Variants in PPIP5K1 observed in about 807,000 individuals in gnomAD.
PPIP5K1 encodes diphosphoinositol pentakisphosphate kinase 1.
In PPIP5K1, 6 loss-of-function variants were observed where a neutral mutation model predicts 27.7. The observed-to-expected ratio is 0.22, with a 90% CI of 0.12 to 0.43. The LOEUF (loss-of-function observed/expected upper bound fraction) is 0.43. PPIP5K1 is among the 20% of genes least tolerant of loss of function. The probability of loss-of-function intolerance (pLI) is 1.00; values close to 1 mark genes in which losing one functional copy is unlikely to be tolerated. For synonymous variants in PPIP5K1, 145 were observed against 242.6 expected (o/e 0.60, Z 3.74); for missense variants, 394 against 635.4 (o/e 0.62, Z 4.08).
chr15:43,551,961 A>T (rs886557388), intron 30 of PPIP5K1, among the ~76,000 whole-genome samples: 2 of 147,154 alleles, frequency 1.4e-5, no homozygotes, highest in Non-Finnish European at 3.0e-5. Context: ...AGTATAAATT[A>T]GATTATTGAT....
rs1168161790 is a variant in PPIP5K1 at position 43,579,598 on chromosome 15, CGTGT to C, written c.1062-482_1062-479del. Among the ~76,000 whole-genome samples, 233 of 29,816 alleles carry C rather than the reference CGTGT, an allele frequency of 7.8e-3. 5 individuals are homozygous for C. Among genetic ancestry groups the C allele is most frequent in the South Asian group, 0.02 (14 of 710 alleles). The allele number at this position is 29,816 out of a possible 152,430, so 19.6% of individuals were successfully genotyped here. ...ATACACATATATACATATATGTGTA[CGTGT>C]GTGTGTGTGTGTGTGTGTGTGTGTG... On this transcript the variant is annotated intron_variant, in intron 10 of 31. Coordinates refer to ENST00000420765, the MANE Select transcript of PPIP5K1 (RefSeq NM_001394395.1).
chr15:43,586,739 A>G (rs1344629328), intron 1 of PPIP5K1, among the ~76,000 whole-genome samples: 3 of 100,542 alleles, frequency 3.0e-5, no homozygotes, highest in African/African-American at 1.0e-4. Context: ...TAATAATAAT[A>G]ATAATAATAA....
chr15:43,544,900 C>T (rs960675177), intron 30 of PPIP5K1, among the ~76,000 whole-genome samples: 7 of 151,928 alleles, frequency 4.6e-5, no homozygotes, highest in South Asian at 2.1e-4. Flanking sequence ...TTATTGGGGC[C>T]GGGCGTGGTG....
At chr15:43,546,231 T>A (rs1431543670) in intron 30 of PPIP5K1, among the ~76,000 whole-genome samples, 1 of 152,250 alleles carries the variant, frequency 6.6e-6, no homozygotes, top group Non-Finnish European at 1.5e-5. Flanking sequence ...TTCCTTTTTA[T>A]AGCTCAGTAA....
intron 31 of PPIP5K1, chr15:43,536,151 G>C (rs1257300966): frequency 1.1e-5 from 14 of 1,263,080 alleles, no homozygotes; most frequent in Non-Finnish European, 1.4e-5. Context: ...GGGTGCGGTG[G>C]CTCACGCCTG....
At chr15:43,559,615 T>C (rs1298934489) in intron 29 of PPIP5K1, among the ~76,000 whole-genome samples, 1 of 152,150 alleles carries the variant, frequency 6.6e-6, no homozygotes, top group Non-Finnish European at 1.5e-5. Context: ...AGGGTCTTTC[T>C]ACTTCATCAG....
In PPIP5K1 at chr15:43,550,096, G is replaced by T. The variant is rs1427270967; in HGVS notation, c.3556+8699C>A. Reference sequence around the variant, plus strand: ...GCCAGGATTACAGGTACAAGCCACTGAGCCCGGCCCACAAGATTTTTGTGA... The same window carrying T: ...GCCAGGATTACAGGTACAAGCCACTTAGCCCGGCCCACAAGATTTTTGTGA... On this transcript the variant is annotated intron_variant, in intron 30 of 31. Transcript: ENST00000420765. 2.0e-5 allele frequency among the ~76,000 whole-genome samples: 3 copies of T among 152,208 alleles called. No homozygotes were observed. In the South Asian group the frequency reaches 6.2e-4, roughly 32 times the overall value.
intron 30 of PPIP5K1, among the ~76,000 whole-genome samples, 195 bp downstream of exon 30, chr15:43,558,595 GATCCA>G (rs1009675285): frequency 1.5e-4 from 23 of 152,034 alleles, no homozygotes; most frequent in African/African-American, 5.1e-4. Context: ...GACCTCAGGT[GATCCA>G]CCTGCCTCGG....
In PPIP5K1 at chr15:43,547,960, T is replaced by C. The variant is rs1196668286; in HGVS notation, c.3557-8377A>G. 2.0e-5 allele frequency among the ~76,000 whole-genome samples: 3 copies of C among 152,220 alleles called. No homozygotes were observed. In the East Asian group the frequency reaches 5.8e-4, roughly 29 times the overall value. On this transcript the variant is annotated intron_variant, in intron 30 of 31. Transcript: ENST00000420765. Reference sequence around the variant, plus strand: ...GGGGAATACTGCCATCTTAACAATATCATGTCTTCAACATGAACATGAAAT... The same window carrying C: ...GGGGAATACTGCCATCTTAACAATACCATGTCTTCAACATGAACATGAAAT...
chr15:43,546,654 A>ATTTTTT (rs58966502), intron 30 of PPIP5K1, among the ~76,000 whole-genome samples: 2 of 106,500 alleles, frequency 1.9e-5, no homozygotes, highest in Non-Finnish European at 4.1e-5. Flanking sequence ...CCTGTTTTCA[A>ATTTTTT]TTTTTTTTTT....
At chr15:43,579,381 T>TACAC (rs879415771) in intron 10 of PPIP5K1, among the ~76,000 whole-genome samples, 2,386 of 31,510 alleles carry the variant, frequency 0.076, 99 homozygotes, top group South Asian at 0.12. Flanking sequence ...GCTTCGATTA[T>TACAC]ATACACACAC....
intron 31 of PPIP5K1, chr15:43,537,399 GA>G (rs1567001991): frequency 4.2e-6 from 1 of 239,918 alleles, no homozygotes; most frequent in Non-Finnish European, 8.1e-6. Context: ...GCTTCAAGCA[GA>G]AAAAGAAGCC....
chr15:43,580,229 G>A (rs2084890201), intron 10 of PPIP5K1, among the ~76,000 whole-genome samples: 1 of 13,876 alleles, frequency 7.2e-5, no homozygotes, highest in South Asian at 1.9e-3. Flanking sequence ...TGATCTACCC[G>A]CCTCGGCCTC....
At position 43,534,592 on chromosome 15, in the gene PPIP5K1, T is replaced by C; in HGVS notation, c.*82A>G. On this transcript the variant is annotated 3_prime_UTR_variant, in exon 32 of 32. Coordinates refer to ENST00000420765, the MANE Select transcript of PPIP5K1 (RefSeq NM_001394395.1). ...TGGGCTAGAGACTGGCTCTGAGGGT[T>C]TGGATCACCAGATGGATGCTGGGCT... is the stretch of plus-strand genomic sequence containing the variant. The C allele has an allele frequency of 7.8e-7, 1 of 1,290,072 alleles. No homozygotes were observed. Among genetic ancestry groups the C allele is most frequent in the South Asian group, 1.6e-5 (1 of 63,888 alleles). The allele number at this position is 1,290,072 out of a possible 1,614,324, so 79.9% of individuals were successfully genotyped here.
chr15:43,539,148 T>C (rs1400132137), intron 31 of PPIP5K1, among the ~76,000 whole-genome samples: 1 of 151,844 alleles, frequency 6.6e-6, no homozygotes, highest in East Asian at 1.9e-4. Flanking sequence ...GAGGCAGACG[T>C]TGCAGTGAGC....
In PPIP5K1 at chr15:43,549,056, A is replaced by AATATATAT. The variant is rs762219321; in HGVS notation, c.3557-9481_3557-9474dup. On this transcript the variant is annotated intron_variant, in intron 30 of 31. Transcript: ENST00000420765. Reference sequence around the variant, plus strand: ...AAAAAAAAAAAAAAAAAAAAAAAAAAATATATATATATATATATATATATA... The same window carrying AATATATAT: ...AAAAAAAAAAAAAAAAAAAAAAAAAAATATATATATATATATATATATATATATATATA... Among the ~76,000 whole-genome samples, 95 of 54,250 alleles carry AATATATAT rather than the reference A, an allele frequency of 1.8e-3. 1 individual carries two copies. Among genetic ancestry groups the AATATATAT allele is most frequent in the East Asian group, 0.013 (18 of 1,418 alleles). 35.6% of individuals were successfully genotyped at this position (54,250 alleles called of 152,430 possible). A position where few individuals can be genotyped will look rare whatever the true frequency, so the allele number is the denominator to read the frequency against.
chr15:43,558,521 C>T (rs567545613), intron 30 of PPIP5K1, among the ~76,000 whole-genome samples: 55 of 152,256 alleles, frequency 3.6e-4, no homozygotes, highest in African/African-American at 1.3e-3. Context: ...CCACTGCGCC[C>T]GGCCTTATTT....
intron 31 of PPIP5K1, among the ~76,000 whole-genome samples, chr15:43,536,959 C>G (rs946792237): frequency 4.6e-5 from 7 of 152,008 alleles, no homozygotes; most frequent in Admixed American, 1.3e-4. Context: ...TGAAGAAAAC[C>G]TTGAAAAGTT....
intron 30 of PPIP5K1, among the ~76,000 whole-genome samples, chr15:43,541,146 C>T (rs900885791): frequency 1.3e-5 from 2 of 152,034 alleles, no homozygotes; most frequent in Non-Finnish European, 2.9e-5. Context: ...GACAGGGTCT[C>T]GCTGTCACCC....
Sources: gnomAD v4.1 joint callset for allele counts (sites outside exome capture counted in the v4.1 genomes callset) on GRCh38, gnomAD v4.1.1 for gene constraint, MANE v1.5 for transcripts, NCBI Gene and HGNC (gene_info 2026-07-23, HGNC 2026-07-21) for gene names.